Variants in DGKH observed in about 807,000 individuals in gnomAD.
DGKH encodes diacylglycerol kinase eta.
In DGKH, 90 loss-of-function variants were observed where a neutral mutation model predicts 159.3. The ratio of observed to expected loss-of-function variants is 0.57; its 90% CI spans 0.48 to 0.67. The LOEUF (loss-of-function observed/expected upper bound fraction) is 0.67, where lower values mean the gene tolerates loss of function less well. DGKH is among the 30% of genes least tolerant of loss of function. The probability of loss-of-function intolerance (pLI) is 0.00; values close to 1 mark genes in which losing one functional copy is unlikely to be tolerated. For missense variants in DGKH, 1,181 were observed against 1,506.1 expected, an observed-to-expected ratio of 0.78 and a Z score of 3.57; for synonymous variants, 536 against 553.8, an observed-to-expected ratio of 0.97 and a Z score of 0.45.
At chr13:42,052,456 CA>C (rs1201681302) in intron 1 of DGKH, among the ~76,000 whole-genome samples, 3 of 152,114 alleles carry the variant, frequency 2.0e-5, no homozygotes, top group Non-Finnish European at 4.4e-5. Context: ...CTTTATTTCC[CA>C]AAGACAAAAA....
intron 3 of DGKH, among the ~76,000 whole-genome samples, chr13:42,135,507 A>AAAAAAAAAAG (rs71096557): frequency 2.1e-4 from 24 of 113,434 alleles, no homozygotes; most frequent in African/African-American, 5.4e-4. Context: ...AAAAAAAAAA[A>AAAAAAAAAAG]AGAGAGAGAG....
At chr13:42,080,665 A>G (rs1954183393) in intron 1 of DGKH, among the ~76,000 whole-genome samples, 1 of 152,212 alleles carries the variant, frequency 6.6e-6, no homozygotes. Flanking sequence ...ATATTATATT[A>G]GAGTATAACA....
chr13:42,127,208 G>A (rs1387202441), intron 1 of DGKH, among the ~76,000 whole-genome samples: 3 of 152,142 alleles, frequency 2.0e-5, no homozygotes, highest in Non-Finnish European at 4.4e-5. Context: ...TGTATTGCAA[G>A]TATTAGTGTA....
chr13:42,136,803 T>A (rs1955411366), intron 3 of DGKH, among the ~76,000 whole-genome samples: 1 of 152,166 alleles, frequency 6.6e-6, no homozygotes, highest in Non-Finnish European at 1.5e-5. Flanking sequence ...TATTTAGAAC[T>A]AAATGATCAC....
intron 1 of DGKH, among the ~76,000 whole-genome samples, chr13:42,083,321 G>C (rs1280427230): frequency 6.6e-6 from 1 of 151,926 alleles, no homozygotes; most frequent in Non-Finnish European, 1.5e-5. Context: ...GGTGATGCGA[G>C]GGTGTGGTGA....
intron 7 of DGKH, among the ~76,000 whole-genome samples, chr13:42,164,638 A>G (rs560215736): frequency 1.3e-5 from 2 of 152,334 alleles, no homozygotes; most frequent in South Asian, 4.1e-4. Flanking sequence ...CCTGGGTCCT[A>G]CTTAATAAGT....
chr13:42,088,839 C>T (rs2137740547), intron 1 of DGKH, among the ~76,000 whole-genome samples: 1 of 152,184 alleles, frequency 6.6e-6, no homozygotes, highest in African/African-American at 2.4e-5. Flanking sequence ...CTGGATAAAT[C>T]AATACAATCC....
chr13:42,138,382 G>A (rs1594077835), intron 3 of DGKH, among the ~76,000 whole-genome samples: 2 of 152,284 alleles, frequency 1.3e-5, no homozygotes, highest in South Asian at 4.1e-4. Flanking sequence ...GGTGAGGAGA[G>A]ATGGTGGAAA....
Position 42,219,738 on chromosome 13 carries a change from T to C in DGKH, c.3386T>C (p.Ile1129Thr). ...AACAACAGAAGCACCGTATTTCGAA[T>C]AGTGCCAAAGTTTAAAAAGGAAAAG... The part of the protein sequence containing the change: ...KRNNRSTVFR[I>T]VPKFKKEKVQ... The change falls in exon 28 of 30, where the codon ATA (isoleucine) becomes ACA (threonine). Residue 1129 changes from isoleucine to threonine, a missense_variant. By Grantham distance (89) the Ile-to-Thr change is moderately conservative (BLOSUM62 -1). Coordinates refer to ENST00000337343, the MANE Select transcript of DGKH (RefSeq NM_178009.5). The C allele has an allele frequency of 6.2e-7, 1 of 1,613,802 alleles. No individual in the cohort carries two copies. The highest frequency in any genetic ancestry group is 1.1e-5 in the South Asian group (1 of 91,064).
chr13:42,138,255 C>A, intron 3 of DGKH: 1 of 287,714 alleles, frequency 3.5e-6, no homozygotes, highest in Non-Finnish European at 5.2e-6. Context: ...GACTGCTGGG[C>A]ACTATGCTAG....
chr13:42,217,990 C>T (rs1380248146), intron 26 of DGKH, among the ~76,000 whole-genome samples: 6 of 152,172 alleles, frequency 3.9e-5, no homozygotes, highest in Non-Finnish European at 5.9e-5. Context: ...GCTGAGATTG[C>T]GCCATTGCAC....
chr13:42,104,271 C>T (rs185979562), intron 1 of DGKH, among the ~76,000 whole-genome samples: 1 of 152,322 alleles, frequency 6.6e-6, no homozygotes, highest in Non-Finnish European at 1.5e-5. Flanking sequence ...TCTGCCATTT[C>T]TCCCCCCCAG....
At chr13:42,100,020 C>T (rs1485952952) in intron 1 of DGKH, among the ~76,000 whole-genome samples, 1 of 152,204 alleles carries the variant, frequency 6.6e-6, no homozygotes, top group Non-Finnish European at 1.5e-5. Flanking sequence ...TCCCCATCCC[C>T]TGGGCCACCA....
At chr13:42,051,311 A>G (rs1050676576) in intron 1 of DGKH, among the ~76,000 whole-genome samples, 3 of 152,206 alleles carry the variant, frequency 2.0e-5, no homozygotes, top group Non-Finnish European at 2.9e-5. Context: ...TCATATATGA[A>G]CACTTGAGAT....
intron 29 of DGKH, among the ~76,000 whole-genome samples, chr13:42,224,521 C>G (rs1451436459): frequency 6.6e-6 from 1 of 152,214 alleles, no homozygotes; most frequent in African/African-American, 2.4e-5. Flanking sequence ...CCATTATCCA[C>G]GTTGCAACCA....
chr13:42,208,181 T>C (rs552932107), intron 21 of DGKH, among the ~76,000 whole-genome samples: 1 of 152,158 alleles, frequency 6.6e-6, no homozygotes, highest in African/African-American at 2.4e-5. Context: ...CAAATTACAA[T>C]GTTAGCAACT....
intron 1 of DGKH, chr13:42,070,813 T>G: frequency 7.0e-7 from 1 of 1,433,230 alleles, no homozygotes; most frequent in Middle Eastern, 1.8e-4. Context: ...AGAGCCCACA[T>G]CATCTGTTAA....
At chr13:42,228,351 T>G (rs1210331020) in intron 29 of DGKH, among the ~76,000 whole-genome samples, 2 of 152,172 alleles carry the variant, frequency 1.3e-5, no homozygotes, top group African/African-American at 4.8e-5. Context: ...TTTAAGTAAT[T>G]TTTTACACAC....
At chr13:42,047,741 T>G (rs1880894508), upstream of DGKH, among the ~76,000 whole-genome samples, 1 of 152,112 alleles carries the variant, frequency 6.6e-6, no homozygotes, top group South Asian at 2.1e-4. Context: ...GGCTAGGGAG[T>G]GGCTCTGCCA....
Sources: allele counts gnomAD v4.1 joint callset (sites outside exome capture counted in the v4.1 genomes callset), GRCh38; gene constraint gnomAD v4.1.1; transcripts MANE v1.5; gene names NCBI Gene and HGNC (gene_info 2026-07-23, HGNC 2026-07-21).